The following COLGALT2 variants were observed in gnomAD, a reference collection of about 807,000 sequenced individuals.
COLGALT2 encodes collagen beta(1-O)galactosyltransferase 2, also known as procollagen galactosyltransferase 2.
Under a neutral mutation model 73.4 loss-of-function variants are expected in COLGALT2, and 49 were observed. That is an observed-to-expected ratio of 0.67 (90% CI 0.53 to 0.85). The LOEUF is 0.85. Ranked by LOEUF, COLGALT2 falls within the 40% of genes least tolerant of loss-of-function variation. The pLI, the probability that COLGALT2 is intolerant of heterozygous loss-of-function variation, is 0.00. For missense variants in COLGALT2, 722 were observed against 790.2 expected (o/e 0.91, Z 1.03); for synonymous variants, 295 against 307.6 (o/e 0.96, Z 0.43).
intron 6 of COLGALT2, among the ~76,000 whole-genome samples, chr1:183,956,205 A>C (rs1670552284): frequency 6.6e-6 from 1 of 152,232 alleles, no homozygotes; most frequent in Admixed American, 6.5e-5. Flanking sequence ...TGATCTGTTT[A>C]ACTTCACTGA....
intron 1 of COLGALT2, among the ~76,000 whole-genome samples, chr1:183,986,440 C>T (rs1926868): frequency 2.6e-5 from 4 of 152,026 alleles, no homozygotes; most frequent in Non-Finnish European, 4.4e-5. Context: ...ATCATAGACA[C>T]GACACACCTG....
In COLGALT2 at chr1:183,936,311, TA is replaced by T. The variant is rs996668793; in HGVS notation, c.*2449del. 257 of 979,228 alleles carry T rather than the reference TA, an allele frequency of 2.6e-4. 3 individuals carry two copies. Among genetic ancestry groups the T allele is most frequent in the Admixed American group, 1.9e-4 (3 of 16,096 alleles). The allele number at this position is 979,228 out of a possible 1,614,324, so 60.7% of individuals were successfully genotyped here. A position where few individuals can be genotyped will look rare whatever the true frequency, so the allele number is the denominator to read the frequency against. ...CTCTGGATTGCTGAAGAGATGACTT[TA>T]AAAAAAAAGTCACATCTGCGGCTCA... On this transcript the variant is annotated 3_prime_UTR_variant, in exon 12 of 12. Transcript: ENST00000361927.
chr1:183,959,875 C>T (rs1670650794), intron 6 of COLGALT2, among the ~76,000 whole-genome samples: 1 of 152,156 alleles, frequency 6.6e-6, no homozygotes, highest in Non-Finnish European at 1.5e-5. Flanking sequence ...ATCATGCTGG[C>T]CTTTTGTCCC....
chr1:184,021,640 C>T (rs1035734869), intron 1 of COLGALT2, among the ~76,000 whole-genome samples: 1 of 152,104 alleles, frequency 6.6e-6, no homozygotes, highest in Non-Finnish European at 1.5e-5. Context: ...AAATTATTAC[C>T]CAGTCTGTGG....
intron 1 of COLGALT2, among the ~76,000 whole-genome samples, chr1:184,025,691 A>T (rs375707915): frequency 1.3e-5 from 2 of 152,242 alleles, no homozygotes; most frequent in African/African-American, 4.8e-5. Context: ...GAGTTCAGTC[A>T]TCATCAAGCA....
At chr1:183,954,922 G>A (rs1670512088) in intron 6 of COLGALT2, 84 bp from the exon 7 acceptor site, 1 of 1,062,014 alleles carries the variant, frequency 9.4e-7, no homozygotes. Context: ...TGATCTCTAG[G>A]GTTGGAATAT....
At chr1:183,983,464 A>G (rs1000264543) in intron 1 of COLGALT2, among the ~76,000 whole-genome samples, 1 of 152,248 alleles carries the variant, frequency 6.6e-6, no homozygotes, top group South Asian at 2.1e-4. Flanking sequence ...ATGCATAATA[A>G]TGAAAGCAAC....
At chr1:184,015,060 G>A (rs1374370224) in intron 1 of COLGALT2, among the ~76,000 whole-genome samples, 1 of 151,850 alleles carries the variant, frequency 6.6e-6, no homozygotes, top group Non-Finnish European at 1.5e-5. Flanking sequence ...AGAGACTGCA[G>A]GAGGATGGAT....
intron 1 of COLGALT2, among the ~76,000 whole-genome samples, chr1:184,012,691 A>G (rs1648851002): frequency 6.6e-6 from 1 of 152,164 alleles, no homozygotes. Context: ...GAGAATCCCA[A>G]TTTTTCTGGT....
In COLGALT2 at chr1:183,937,457, A is replaced by G; in HGVS notation, c.*1304T>C. On this transcript the variant is annotated 3_prime_UTR_variant, in exon 12 of 12. Transcript: ENST00000361927. ...AGAAAGCAGAAAGGACTCTTAGGGG[A>G]TATCTTTTGAGAAAGGGTGTCCGCC... 2 of 985,862 alleles carry G rather than the reference A, an allele frequency of 2.0e-6. No homozygotes were observed. The highest frequency in any genetic ancestry group is 2.4e-6 in the Non-Finnish European group (2 of 830,246). 61.1% of individuals were successfully genotyped at this position (985,862 alleles called of 1,614,324 possible).
intron 1 of COLGALT2, among the ~76,000 whole-genome samples, chr1:183,987,656 A>G (rs1339197011): frequency 6.6e-6 from 1 of 152,258 alleles, no homozygotes; most frequent in Non-Finnish European, 1.5e-5. Flanking sequence ...GAGTTTGATG[A>G]GTGAATGAAT....
At chr1:183,939,164 G>A in intron 11 of COLGALT2, 127 bp from the exon 12 acceptor site, 2 of 678,708 alleles carry the variant, frequency 2.9e-6, no homozygotes, top group South Asian at 4.2e-5. Context: ...TGTGTCATTT[G>A]TGAAAAACTT....
intron 4 of COLGALT2, among the ~76,000 whole-genome samples, chr1:183,970,685 A>G (rs906548778): frequency 1.3e-5 from 2 of 152,172 alleles, no homozygotes; most frequent in African/African-American, 4.8e-5. Context: ...TTTGAGCCTG[A>G]GTTTTTTCTC....
chr1:183,939,001 C>G lies in COLGALT2; in HGVS notation c.1641G>C (p.Leu547=), dbSNP rs1670038590. The G allele has an allele frequency of 6.2e-7, 1 of 1,614,070 alleles. No homozygotes were observed. Among genetic ancestry groups the G allele is most frequent in the Non-Finnish European group, 8.5e-7 (1 of 1,179,996 alleles). The stretch of plus-strand genomic sequence containing the variant: ...GCAAGGGTTCTGCAGAGAAGGCTTT[C>G]AGGTCCCTGGATTCATAATACTCCT... ...EYKEYYESRD[L]KAFSAEPLLI... Residue 547 remains leucine (L), a synonymous_variant, in exon 12 of 12, where the codon CTG becomes CTC. Transcript: ENST00000361927.
chr1:184,003,180 A>G (rs1384025999), intron 1 of COLGALT2, among the ~76,000 whole-genome samples: 1 of 152,206 alleles, frequency 6.6e-6, no homozygotes, highest in Non-Finnish European at 1.5e-5. Flanking sequence ...TCATCTCATG[A>G]TGTGACTTTG....
At chr1:183,971,977 AG>A (rs1293089564) in intron 4 of COLGALT2, among the ~76,000 whole-genome samples, 1 of 152,230 alleles carries the variant, frequency 6.6e-6, no homozygotes, top group Admixed American at 6.5e-5. Context: ...GCTACCAACT[AG>A]GGTTTTTCCC....
At chr1:183,946,631 T>C (rs1326584643) in intron 8 of COLGALT2, 1 of 152,220 alleles carries the variant, frequency 6.6e-6, no homozygotes, top group Non-Finnish European at 1.5e-5. Context: ...ATATACCATA[T>C]AATCAGCAAT....
At chr1:183,951,863 C>G (rs772562926) in intron 7 of COLGALT2, among the ~76,000 whole-genome samples, 1 of 152,124 alleles carries the variant, frequency 6.6e-6, no homozygotes, top group Non-Finnish European at 1.5e-5. Context: ...TTTCATGGAA[C>G]CACAAAAGAC....
intron 3 of COLGALT2, 39 bp downstream of exon 3, chr1:183,975,058 G>C (rs1305195119): frequency 7.0e-7 from 1 of 1,427,900 alleles, no homozygotes; most frequent in African/African-American, 1.4e-5. Flanking sequence ...GGATACACCT[G>C]AGATGACAGT....
Sources: allele counts gnomAD v4.1 joint callset (sites outside exome capture counted in the v4.1 genomes callset), GRCh38; gene constraint gnomAD v4.1.1; transcripts MANE v1.5; gene names NCBI Gene and HGNC (gene_info 2026-07-23, HGNC 2026-07-21).